HM13: variants seen among roughly 807,000 people sequenced by gnomAD.
HM13 encodes the protein histocompatibility minor 13, also known as signal peptide peptidase.
Under a neutral mutation model 50.0 loss-of-function variants are expected in HM13, and 18 were observed. The ratio of observed to expected loss-of-function variants is 0.36; its 90% CI spans 0.25 to 0.53. The LOEUF (loss-of-function observed/expected upper bound fraction) is 0.53, where lower values mean the gene tolerates loss of function less well. Among genes scored for constraint, HM13 ranks in the 20% least tolerant of loss-of-function variants. The probability of loss-of-function intolerance (pLI) is 0.90; values close to 1 mark genes in which losing one functional copy is unlikely to be tolerated. For synonymous variants in HM13, 197 were observed against 232.6 expected, an observed-to-expected ratio of 0.85 and a Z score of 1.39; for missense variants, 393 against 552.4, an observed-to-expected ratio of 0.71 and a Z score of 2.89.
At chr20:31,558,910 T>TTGTTG (rs1362974693) in intron 8 of HM13, among the ~76,000 whole-genome samples, 1 of 151,256 alleles carries the variant, frequency 6.6e-6, no homozygotes, top group African/African-American at 2.4e-5. Flanking sequence ...TTGTTTTTTG[T>TTGTTG]TGTTGTTTTG....
At chr20:31,545,896 C>T (rs1600648218) in intron 4 of HM13, among the ~76,000 whole-genome samples, 2 of 152,014 alleles carry the variant, frequency 1.3e-5, no homozygotes, top group Admixed American at 6.6e-5. Context: ...GGAGTTTTGC[C>T]ATGCTAGCCA....
chr20:31,535,282 A>T (rs1411007360), intron 2 of HM13: 1 of 152,240 alleles, frequency 6.6e-6, no homozygotes, highest in Non-Finnish European at 1.5e-5. Context: ...CTTTGAGGCA[A>T]CTCAAAAAAT....
chr20:31,557,787 A>C (rs974619932), intron 8 of HM13, among the ~76,000 whole-genome samples: 9 of 137,770 alleles, frequency 6.5e-5, no homozygotes, highest in Non-Finnish European at 1.0e-4. Flanking sequence ...AGCTCACTGC[A>C]ACCTCCACCT....
chr20:31,569,085 T>G, intron 12 of HM13, 35 bp from the exon 13 acceptor site: 1 of 1,445,536 alleles, frequency 6.9e-7, no homozygotes, highest in Non-Finnish European at 9.4e-7. Flanking sequence ...CTCCTCTAAA[T>G]GAATTTTTAT....
At chr20:31,534,468 G>C (rs914635152) in intron 2 of HM13, among the ~76,000 whole-genome samples, 4 of 152,144 alleles carry the variant, frequency 2.6e-5, no homozygotes, top group African/African-American at 9.6e-5. Flanking sequence ...CCATGTGTTT[G>C]AATGGTATTA....
rs1983883356 is a variant in HM13 at position 31,549,127 on chromosome 20, G to A, written c.540+13G>A. 4 of 1,613,792 alleles carry A rather than the reference G, an allele frequency of 2.5e-6. No individual in the cohort carries two copies. Among genetic ancestry groups the A allele is most frequent in the South Asian group, 1.1e-5 (1 of 91,074 alleles). On this transcript the variant is annotated intron_variant, in intron 5 of 12. Transcript: ENST00000398174. ...CCTGCTGAGGAAGGTGAGTAGTCAG[G>A]ACCTGGGCAGAAGGGGAGGATGGGG...
chr20:31,522,638 C>A (rs1982243323), intron 1 of HM13, among the ~76,000 whole-genome samples: 1 of 151,798 alleles, frequency 6.6e-6, no homozygotes, highest in African/African-American at 2.4e-5. Flanking sequence ...GCTTGACCAT[C>A]AAGGCCTTGC....
At chr20:31,548,068 T>C in intron 4 of HM13, 1 of 1,472,120 alleles carries the variant, frequency 6.8e-7, no homozygotes, top group Non-Finnish European at 9.5e-7. Flanking sequence ...AGGAATGCAT[T>C]TGGGGGGCTA....
chr20:31,538,129 C>A, intron 2 of HM13, 50 bp from the exon 3 acceptor site: 1 of 1,603,790 alleles, frequency 6.2e-7, no homozygotes, highest in Non-Finnish European at 8.5e-7. Flanking sequence ...GGTTTCCTCA[C>A]AGCCACTGGC....
intron 4 of HM13, among the ~76,000 whole-genome samples, chr20:31,546,698 T>G (rs1235220700): frequency 1.3e-5 from 2 of 149,672 alleles, no homozygotes; most frequent in Non-Finnish European, 3.0e-5. Flanking sequence ...GAGGTTGCAG[T>G]GAGCCGAAAT....
chr20:31,533,905 G>C (rs770366489), intron 2 of HM13, among the ~76,000 whole-genome samples: 2 of 152,018 alleles, frequency 1.3e-5, no homozygotes, highest in Non-Finnish European at 2.9e-5. Context: ...TTACAGGCAG[G>C]GTCTTACTCT....
chr20:31,547,395 A>G (rs1170042537), intron 4 of HM13: 2 of 431,292 alleles, frequency 4.6e-6, no homozygotes, highest in East Asian at 9.8e-5. Flanking sequence ...AACGGCTCTG[A>G]CCGTCTGGCA....
intron 1 of HM13, among the ~76,000 whole-genome samples, chr20:31,527,215 A>G (rs1982538607): frequency 6.6e-6 from 1 of 152,112 alleles, no homozygotes; most frequent in Non-Finnish European, 1.5e-5. Context: ...GTGCATGCCT[A>G]TAGTCCCAGC....
chr20:31,562,521 G>A (rs73116296), intron 10 of HM13: 5,724 of 152,322 alleles, frequency 0.038, 145 homozygotes, highest in Non-Finnish European at 0.057. Flanking sequence ...CTGGCCATGG[G>A]AAACGCAGCA....
chr20:31,548,913 G>T (rs73233665), intron 4 of HM13, 116 bp from the exon 5 acceptor site: 2 of 918,298 alleles, frequency 2.2e-6, no homozygotes, highest in East Asian at 4.8e-5. Flanking sequence ...GCTTAGCCCC[G>T]CCAGCCTGTG....
intron 3 of HM13, chr20:31,538,804 A>G (rs776250690): frequency 3.3e-6 from 1 of 301,400 alleles, no homozygotes; most frequent in Non-Finnish European, 4.9e-6. Flanking sequence ...GAGAAAAATA[A>G]TAGTGCCCTT....
intron 9 of HM13, 99 bp downstream of exon 9, chr20:31,559,746 A>G: frequency 9.1e-7 from 1 of 1,093,592 alleles, no homozygotes. Flanking sequence ...CAGACCCTCC[A>G]CCCCCACAGC....
At chr20:31,541,132 T>A (rs1361440581) in intron 3 of HM13, 2 of 152,090 alleles carry the variant, frequency 1.3e-5, no homozygotes, top group Non-Finnish European at 2.9e-5. Flanking sequence ...AAGAATAATT[T>A]TCTTAATGAA....
chr20:31,550,175 G>C, intron 7 of HM13, 54 bp downstream of exon 7: 3 of 1,289,638 alleles, frequency 2.3e-6, no homozygotes, highest in Non-Finnish European at 3.4e-6. Flanking sequence ...GCCGGGCCAT[G>C]CCCCCACAGC....
Sources: gnomAD v4.1 joint callset for allele counts (sites outside exome capture counted in the v4.1 genomes callset) on GRCh38, gnomAD v4.1.1 for gene constraint, MANE v1.5 for transcripts, NCBI Gene and HGNC (gene_info 2026-07-23, HGNC 2026-07-21) for gene names.